Variants in ABCC10 observed in about 807,000 individuals in gnomAD.
ABCC10 encodes ATP binding cassette subfamily C member 10.
ABCC10 carries 110 observed loss-of-function variants against 143.2 expected under a neutral mutation model. The observed-to-expected ratio is 0.77, with a 90% confidence interval of 0.66 to 0.90. The LOEUF (loss-of-function observed/expected upper bound fraction) is 0.90, where lower values mean the gene tolerates loss of function less well. Among genes scored for constraint, ABCC10 ranks in the 40% least tolerant of loss-of-function variants. The pLI, the probability that ABCC10 is intolerant of heterozygous loss-of-function variation, is 0.00. For synonymous variants in ABCC10, 805 were observed against 846.7 expected, an observed-to-expected ratio of 0.95 and a Z score of 0.85; for missense variants, 1,700 against 1,900.5, an observed-to-expected ratio of 0.89 and a Z score of 1.96.
intron 15 of ABCC10, 30 bp from the exon 16 acceptor site, chr6:43,446,247 G>A (rs1416803512): frequency 2.5e-6 from 4 of 1,599,938 alleles, no homozygotes; most frequent in Admixed American, 3.4e-5. Flanking sequence ...CAACAGTGGA[G>A]TGGCTTCACA....
intron 16 of ABCC10, 40 bp downstream of exon 16, chr6:43,446,486 T>C: frequency 6.3e-7 from 1 of 1,584,738 alleles, no homozygotes; most frequent in Non-Finnish European, 8.6e-7. Context: ...CATCCACAAG[T>C]TAGTCCACCG....
intron 14 of ABCC10, 115 bp from the exon 15 acceptor site, chr6:43,445,484 G>T: frequency 7.3e-7 from 1 of 1,375,922 alleles, no homozygotes; most frequent in Non-Finnish European, 1.0e-6. Flanking sequence ...GGATATTTTA[G>T]TCCTTCCCTA....
intron 8 of ABCC10, 35 bp downstream of exon 8, chr6:43,438,830 G>A (rs371780812): frequency 1.2e-6 from 2 of 1,609,132 alleles, no homozygotes; most frequent in Admixed American, 1.7e-5. Flanking sequence ...TTAGCTGCCT[G>A]TTTCTCCAGT....
In ABCC10 at chr6:43,432,505, C is replaced by A; in HGVS notation, c.525C>A (p.Leu175=). 6.2e-7 allele frequency: 1 copy of A among 1,612,222 alleles called. No individual in the cohort carries two copies. The highest frequency in any genetic ancestry group is 8.5e-7 in the Non-Finnish European group (1 of 1,180,034). The change falls in exon 3 of 22, where the codon CTC becomes CTA. Residue 175 remains leucine (L), a synonymous_variant. Transcript: ENST00000372530. ...LPGPMARLCL[L]ILQLAALLAY... is the part of the protein sequence containing the mutation. The stretch of plus-strand genomic sequence containing the variant: ...GGCCCATGGCCCGCCTATGCTTGCT[C>A]ATCCTGCAGCTGGCTGCACTCTTGG...
Position 43,445,319 on chromosome 6 carries a change from G to C in ABCC10, c.3030+5G>C. The C allele has an allele frequency of 6.2e-7, 1 of 1,612,426 alleles. No individual in the cohort carries two copies. The highest frequency in any genetic ancestry group is 8.5e-7 in the Non-Finnish European group (1 of 1,179,230). Reference sequence around the variant, plus strand: ...CTGCTGCATCGAGTCCTTATGGTGAGGGGCTGGGACCTCGGGGGTAGGGGA... The same window carrying C: ...CTGCTGCATCGAGTCCTTATGGTGACGGGCTGGGACCTCGGGGGTAGGGGA... On this transcript the variant is annotated splice_donor_5th_base_variant and intron_variant, in intron 14 of 21. Transcript: ENST00000372530.
chr6:43,431,258 A>G (rs974664613), intron 2 of ABCC10, among the ~76,000 whole-genome samples: 1 of 152,216 alleles, frequency 6.6e-6, no homozygotes, highest in Non-Finnish European at 1.5e-5. Flanking sequence ...TCCGATTTTT[A>G]TTCATTTAAT....
chr6:43,442,259 A>G (rs1782551405), intron 9 of ABCC10, among the ~76,000 whole-genome samples: 3 of 152,174 alleles, frequency 2.0e-5, no homozygotes, highest in African/African-American at 4.8e-5. Flanking sequence ...AGCCTGGGCA[A>G]TGTGGCAAAA....
In ABCC10 at chr6:43,444,820, C is replaced by T. The variant is rs1782858481; in HGVS notation, c.2722C>T (p.His908Tyr). 1 of 1,610,922 alleles carries T rather than the reference C, an allele frequency of 6.2e-7. No homozygotes were observed. The highest frequency in any genetic ancestry group is 1.7e-5 in the Admixed American group (1 of 59,244). ...TRNAADWWLSHWISQLKAENS... is the reference protein window; with the variant it reads ...TRNAADWWLSYWISQLKAENS... ...GAACGCTGCTGACTGGTGGCTCTCC[C>T]ACTGGATCTCTCAGCTGAAGGCTGA... The change falls in exon 13 of 22, where the codon CAC becomes TAC. Residue 908 changes from histidine (H) to tyrosine (Y), a missense_variant. Physicochemically the swap from His to Tyr is moderately conservative, Grantham distance 83. Coordinates refer to ENST00000372530, the MANE Select transcript of ABCC10 (RefSeq NM_001198934.2).
intron 2 of ABCC10, among the ~76,000 whole-genome samples, chr6:43,428,368 T>C (rs1780730419): frequency 6.6e-6 from 1 of 152,206 alleles, no homozygotes; most frequent in South Asian, 2.1e-4. Context: ...AATTTAAGCA[T>C]ATAGTGCAGC....
downstream of ABCC10, chr6:43,451,947 G>T: frequency 6.2e-7 from 1 of 1,614,088 alleles, no homozygotes; most frequent in Non-Finnish European, 8.5e-7. This position sits in a 1 kb window ranked among gnomAD's most constrained non-coding sequence, Gnocchi z 4.4. Flanking sequence ...CACCCTGCCT[G>T]TTCACAGGGT....
At chr6:43,448,100 T>C (rs1351868091) in intron 18 of ABCC10, 163 bp downstream of exon 18, 1 of 1,113,350 alleles carries the variant, frequency 9.0e-7, no homozygotes, top group Non-Finnish European at 1.3e-6. Flanking sequence ...GAACTCCTAG[T>C]GCCCAGGTCC....
chr6:43,429,283 GC>G (rs1780836989), intron 2 of ABCC10, among the ~76,000 whole-genome samples: 1 of 151,962 alleles, frequency 6.6e-6, no homozygotes, highest in African/African-American at 2.4e-5. Flanking sequence ...GCCTCCAAGG[GC>G]CCAGTGTTCT....
downstream of ABCC10, chr6:43,451,031 T>C: frequency 6.2e-7 from 1 of 1,614,100 alleles, no homozygotes; most frequent in Non-Finnish European, 8.5e-7. The surrounding 1 kb of genome is among the most constrained non-coding windows in gnomAD (Gnocchi z 4.4). Flanking sequence ...CTCTCTGGCA[T>C]GGGCGGCTGG....
In ABCC10 at chr6:43,445,247, T is replaced by C. The variant is rs368069356; in HGVS notation, c.2963T>C (p.Leu988Pro). Reference protein sequence around the residue: ...NSLCTLLRAVLFAAGTLQAAA... With the variant: ...NSLCTLLRAVPFAAGTLQAAA... ...CTCTGCACCCTTCTCCGGGCAGTGCTCTTTGCAGCAGGCACCCTTCAAGCA... is the reference window on the plus strand; with the variant it reads ...CTCTGCACCCTTCTCCGGGCAGTGCCCTTTGCAGCAGGCACCCTTCAAGCA... Residue 988 changes from leucine (L) to proline (P), a missense_variant, in exon 14 of 22, where the codon CTC becomes CCC. Transcript: ENST00000372530. 3 of 1,614,012 alleles carry C rather than the reference T, an allele frequency of 1.9e-6. No individual in the cohort carries two copies. Among genetic ancestry groups the C allele is most frequent in the African/African-American group, 2.7e-5 (2 of 74,980 alleles).
intron 18 of ABCC10, among the ~76,000 whole-genome samples, chr6:43,448,401 C>G (rs1210011048): frequency 6.6e-6 from 1 of 152,158 alleles, no homozygotes; most frequent in Non-Finnish European, 1.5e-5. Flanking sequence ...GAAGCTGTAT[C>G]CTAAAGCCCT....
downstream of ABCC10, chr6:43,451,109 G>A: frequency 6.2e-7 from 1 of 1,614,244 alleles, no homozygotes; most frequent in Non-Finnish European, 8.5e-7. This position sits in a 1 kb window ranked among gnomAD's most constrained non-coding sequence, Gnocchi z 4.4. Context: ...AGGAGAAGCG[G>A]TTTATGCCGT....
At chr6:43,438,513 G>A in intron 7 of ABCC10, 111 bp from the exon 8 acceptor site, 1 of 1,481,590 alleles carries the variant, frequency 6.7e-7, no homozygotes, top group Non-Finnish European at 8.9e-7. Flanking sequence ...ACATGAAGGG[G>A]GACCCTGTGT....
intron 7 of ABCC10, chr6:43,438,309 T>C: frequency 7.3e-7 from 1 of 1,374,236 alleles, no homozygotes; most frequent in African/African-American, 1.5e-5. Context: ...GAGAGGAGCA[T>C]AGGTTTGAGG....
rs1280157451 is a variant in ABCC10, at chr6:43,447,848, G to A, written c.3870G>A (p.Leu1290=). ...CAGGCTCCGGCAAGTCTTCCCTGTTGTTGGTGCTCTTCCGGCTGCTAGAGC... is the reference window on the plus strand; with the variant it reads ...CAGGCTCCGGCAAGTCTTCCCTGTTATTGGTGCTCTTCCGGCTGCTAGAGC... ...GRTGSGKSSL[L]LVLFRLLEPS... is the part of the protein sequence containing the mutation. Residue 1290 remains leucine (L), a synonymous_variant, in exon 18 of 22, where the codon TTG becomes TTA. Transcript: ENST00000372530. The A allele has an allele frequency of 6.2e-7, 1 of 1,613,770 alleles. No homozygotes were observed. Among genetic ancestry groups the A allele is most frequent in the African/African-American group, 1.3e-5 (1 of 74,942 alleles).
Sources: gnomAD v4.1 joint callset for allele counts (sites outside exome capture counted in the v4.1 genomes callset) on GRCh38, gnomAD v4.1.1 for gene constraint, Gnocchi (gnomAD v3.1) non-coding constraint, MANE v1.5 for transcripts, NCBI Gene and HGNC (gene_info 2026-07-23, HGNC 2026-07-21) for gene names.